The following UBAP2L variants were observed in gnomAD, a reference collection of about 807,000 sequenced individuals.
UBAP2L encodes the protein ubiquitin-associated protein 2-like.
Under a neutral mutation model 130.6 loss-of-function variants are expected in UBAP2L, and 12 were observed. That is an observed-to-expected ratio of 0.09 (90% confidence interval 0.06 to 0.15). The LOEUF is 0.15. Ranked by LOEUF, UBAP2L falls within the 10% of genes least tolerant of loss-of-function variation. The pLI, the probability that UBAP2L is intolerant of heterozygous loss-of-function variation, is 1.00. For missense variants in UBAP2L, 965 were observed against 1,332.5 expected, an observed-to-expected ratio of 0.72 and a Z score of 4.29; for synonymous variants, 503 against 524.7, an observed-to-expected ratio of 0.96 and a Z score of 0.57.
rs1009584184 is a variant in UBAP2L at position 154,261,496 on chromosome 1, G to A, written c.2797-96G>A. ...CTGTAGTCAACTTGCATCAGGATAG[G>A]TAGCCATCTGAATGGCCAGTACCTG... On this transcript the variant is annotated intron_variant, in intron 23 of 26. Coordinates refer to ENST00000428931, the MANE Select transcript of UBAP2L (RefSeq NM_014847.4). 7.8e-6 allele frequency: 9 copies of A among 1,151,148 alleles called. No individual in the cohort carries two copies. In the African/African-American group the frequency reaches 1.1e-4, roughly 14 times the overall value. 71.3% of individuals were successfully genotyped at this position (1,151,148 alleles called of 1,614,324 possible). A position where few individuals can be genotyped will look rare whatever the true frequency, so the allele number is the denominator to read the frequency against.
chr1:154,267,906 T>TTTTTTTTTTTTTTTTG (rs1683806354), intron 25 of UBAP2L, among the ~76,000 whole-genome samples: 1 of 135,896 alleles, frequency 7.4e-6, no homozygotes, highest in African/African-American at 2.8e-5. Flanking sequence ...TTTTTTTTTT[T>TTTTTTTTTTTTTTTTG]GAGACGGAGT....
chr1:154,242,992 C>T (rs754781892), intron 9 of UBAP2L: 22 of 363,624 alleles, frequency 6.1e-5, no homozygotes, highest in Non-Finnish European at 1.1e-4. Context: ...TCATGTGACT[C>T]CACTATATTT....
At chr1:154,267,888 T>TTTTTTTA in intron 25 of UBAP2L, among the ~76,000 whole-genome samples, 1 of 119,144 alleles carries the variant, frequency 8.4e-6, no homozygotes, top group Non-Finnish European at 1.9e-5. Flanking sequence ...GTCTTTTTTT[T>TTTTTTTA]TTTTTTTTTT....
chr1:154,262,779 A>G lies in UBAP2L; in HGVS notation c.2902+1082A>G, dbSNP rs144474888. On this transcript the variant is annotated intron_variant, in intron 24 of 26. Transcript: ENST00000428931. ...AGCCCCATTGAGATTTAATACATAG[A>G]CTCCTTGTGGCCACCCCTGTCATTG... Among the ~76,000 whole-genome samples, 1,019 of 151,344 alleles carry G rather than the reference A, an allele frequency of 6.7e-3. 18 individuals carry two copies. Among genetic ancestry groups the G allele is most frequent in the African/African-American group, 0.023 (950 of 41,230 alleles).
At chr1:154,232,334 AAAG>A (rs1670120463) in intron 4 of UBAP2L, among the ~76,000 whole-genome samples, 1 of 151,782 alleles carries the variant, frequency 6.6e-6, no homozygotes, top group Admixed American at 6.6e-5. Context: ...AAAAAAAAAA[AAAG>A]GAAAGAAATC....
intron 4 of UBAP2L, among the ~76,000 whole-genome samples, chr1:154,229,175 G>A (rs552754836): frequency 1.3e-5 from 2 of 151,644 alleles, no homozygotes; most frequent in African/African-American, 4.8e-5. Context: ...CTCAATATCA[G>A]CTTCGCATTG....
chr1:154,237,183 AAAT>A, intron 8 of UBAP2L, 47 bp downstream of exon 8: 1 of 1,537,328 alleles, frequency 6.5e-7, no homozygotes, highest in South Asian at 1.1e-5. Flanking sequence ...GAATCTAAGG[AAAT>A]AGTTTTTTCT....
chr1:154,246,800 G>C (rs1014382692), intron 11 of UBAP2L, among the ~76,000 whole-genome samples: 19 of 152,142 alleles, frequency 1.2e-4, no homozygotes, highest in African/African-American at 4.3e-4. Context: ...TTGTAGACAA[G>C]GCCTCCAGAA....
At chr1:154,247,971 T>TTA (rs1553271162) in intron 11 of UBAP2L, among the ~76,000 whole-genome samples, 1 of 148,044 alleles carries the variant, frequency 6.8e-6, no homozygotes, top group Non-Finnish European at 1.5e-5. Context: ...TTTATTTATT[T>TTA]TTTATTTTTT....
chr1:154,231,559 G>A (rs1370583267), intron 4 of UBAP2L, among the ~76,000 whole-genome samples: 1 of 151,872 alleles, frequency 6.6e-6, no homozygotes, highest in African/African-American at 2.4e-5. Flanking sequence ...CCTTGGCCTC[G>A]GAAAGTGCTG....
intron 4 of UBAP2L, among the ~76,000 whole-genome samples, chr1:154,233,305 G>A (rs771619090): frequency 1.8e-4 from 27 of 151,726 alleles, no homozygotes; most frequent in South Asian, 2.1e-4. Context: ...GTGAGTCACC[G>A]CGCCTGGCCC....
Position 154,245,686 on chromosome 1 carries a change from C to T in UBAP2L, c.843-518C>T, listed in dbSNP as rs1027234175. On this transcript the variant is annotated intron_variant, in intron 10 of 26. Transcript: ENST00000428931. Reference sequence around the variant, plus strand: ...ATCCCAGCACTTTGGGAGGCCAAGGCGGGCGGATCATGAGGTCAGGAGATT... The same window carrying T: ...ATCCCAGCACTTTGGGAGGCCAAGGTGGGCGGATCATGAGGTCAGGAGATT... Among the ~76,000 whole-genome samples the T allele has an allele frequency of 5.9e-5, 9 of 151,838 alleles. No homozygotes were observed. In the East Asian group the frequency reaches 9.7e-4, roughly 16 times the overall value.
At chr1:154,269,015 C>T (rs1302181162) in intron 26 of UBAP2L, 61 bp downstream of exon 26, 2 of 1,578,612 alleles carry the variant, frequency 1.3e-6, no homozygotes, top group Non-Finnish European at 1.7e-6. Context: ...TTAAAACTGC[C>T]TTCCCTTTCC....
At chr1:154,251,962 C>G (rs1044183380) in intron 14 of UBAP2L, among the ~76,000 whole-genome samples, 1 of 151,986 alleles carries the variant, frequency 6.6e-6, no homozygotes, top group East Asian at 1.9e-4. Context: ...CATAATGAGT[C>G]CCTGTCTCTA....
At chr1:154,240,935 T>TCCCCCCC (rs71096517) in intron 8 of UBAP2L, among the ~76,000 whole-genome samples, 4 of 80,726 alleles carry the variant, frequency 5.0e-5, no homozygotes, top group African/African-American at 8.6e-5. Flanking sequence ...TGTCTGTCTG[T>TCCCCCCC]CCCCCCCCCC....
At chr1:154,231,743 C>T (rs777743165) in intron 4 of UBAP2L, among the ~76,000 whole-genome samples, 5 of 152,176 alleles carry the variant, frequency 3.3e-5, no homozygotes, top group Non-Finnish European at 7.3e-5. Flanking sequence ...GTCAGAATTT[C>T]ATTCCTTTTT....
intron 11 of UBAP2L, among the ~76,000 whole-genome samples, chr1:154,246,981 A>C (rs1353695678): frequency 6.6e-6 from 1 of 152,228 alleles, no homozygotes; most frequent in African/African-American, 2.4e-5. Context: ...GTTGACTCAG[A>C]GCATTTAAAA....
At chr1:154,220,536 C>A, upstream of UBAP2L, 1 of 926,522 alleles carries the variant, frequency 1.1e-6, no homozygotes, top group East Asian at 2.5e-5. Flanking sequence ...GGGGGAAGAC[C>A]AAGCCAGACC....
At chr1:154,246,416 C>A (rs757534026) in intron 11 of UBAP2L, 41 bp downstream of exon 11, 2 of 1,584,216 alleles carry the variant, frequency 1.3e-6, no homozygotes, top group African/African-American at 2.7e-5. Context: ...AACCTTCCTG[C>A]TAATCCTAGC....
Sources: gnomAD v4.1 joint callset for allele counts (sites outside exome capture counted in the v4.1 genomes callset) on GRCh38, gnomAD v4.1.1 for gene constraint, MANE v1.5 for transcripts, NCBI Gene and HGNC (gene_info 2026-07-23, HGNC 2026-07-21) for gene names.